The following PEDS1 variants were observed in gnomAD, a reference collection of about 807,000 sequenced individuals.
PEDS1 encodes CarF homolog.
Under a neutral mutation model 35.2 loss-of-function variants are expected in PEDS1, and 14 were observed. The observed-to-expected ratio is 0.40, with a 90% CI of 0.26 to 0.62. The LOEUF is 0.62. PEDS1 is among the 20% of genes least tolerant of loss of function. The pLI, the probability that PEDS1 is intolerant of heterozygous loss-of-function variation, is 0.44. For synonymous variants in PEDS1, 152 were observed against 152.0 expected (o/e 1.00, Z 0.00); for missense variants, 260 against 367.8 (o/e 0.71, Z 2.40).
At chr20:50,146,103 C>T (rs1176709672) in intron 1 of PEDS1, among the ~76,000 whole-genome samples, 5 of 152,282 alleles carry the variant, frequency 3.3e-5, no homozygotes, top group South Asian at 2.1e-4. Flanking sequence ...ACTTAAGCAG[C>T]GGGGCCAGGC....
At chr20:50,139,237 C>T (rs1013556338) in intron 2 of PEDS1, among the ~76,000 whole-genome samples, 5 of 152,150 alleles carry the variant, frequency 3.3e-5, no homozygotes, top group Non-Finnish European at 5.9e-5. Context: ...GGACTCTGCT[C>T]CTTTAAGGGC....
At chr20:50,153,138 G>A (rs1204596203) in intron 1 of PEDS1, among the ~76,000 whole-genome samples, 2 of 151,514 alleles carry the variant, frequency 1.3e-5, no homozygotes, top group Non-Finnish European at 2.9e-5. Context: ...CAGCTGAAGG[G>A]CAGCTTTGGG....
intron 2 of PEDS1, among the ~76,000 whole-genome samples, chr20:50,136,846 G>C (rs531008584): frequency 6.6e-6 from 1 of 152,044 alleles, no homozygotes; most frequent in Non-Finnish European, 1.5e-5. Flanking sequence ...GTACCAGCCT[G>C]GGCAACACAG....
At chr20:50,133,997 A>C (rs1380182176) in intron 2 of PEDS1, among the ~76,000 whole-genome samples, 1 of 152,200 alleles carries the variant, frequency 6.6e-6, no homozygotes, top group East Asian at 1.9e-4. Context: ...CTCCTACTGC[A>C]TACTTTGGGA....
chr20:50,139,668 CG>C (rs1445257856), intron 2 of PEDS1, among the ~76,000 whole-genome samples: 2 of 148,130 alleles, frequency 1.4e-5, no homozygotes, highest in African/African-American at 5.0e-5. Context: ...AGATGACCCC[CG>C]GATTTCTTTC....
chr20:50,140,042 G>A (rs1489710085), intron 2 of PEDS1, among the ~76,000 whole-genome samples: 1 of 152,066 alleles, frequency 6.6e-6, no homozygotes, highest in African/African-American at 2.4e-5. Context: ...TCTCCCTCAG[G>A]CCTGCTCTGC....
rs1226878508 is a variant in PEDS1 at position 50,122,923 on chromosome 20, C to A, written c.*2135G>T. 7.6e-6 allele frequency: 1 copy of A among 131,914 alleles called. No homozygotes were observed. Among genetic ancestry groups the A allele is most frequent in the African/African-American group, 3.2e-5 (1 of 31,282 alleles). The allele number at this position is 131,914 out of a possible 1,614,324, so 8.2% of individuals were successfully genotyped here. ...GACCAACCTGGACAACATAGTGAGACCCCATTTCTTTAAAAAAAAAAAAAA... is the reference window on the plus strand; with the variant it reads ...GACCAACCTGGACAACATAGTGAGAACCCATTTCTTTAAAAAAAAAAAAAA... On this transcript the variant is annotated 3_prime_UTR_variant, in exon 6 of 6. Transcript: ENST00000371652.
At chr20:50,148,331 C>T (rs188036124) in intron 1 of PEDS1, among the ~76,000 whole-genome samples, 191 of 152,260 alleles carry the variant, frequency 1.3e-3, no homozygotes, top group Non-Finnish European at 1.9e-3. Context: ...GTCAACTGGC[C>T]TAAACTGTAT....
Position 50,153,544 on chromosome 20 carries a change from G to A in PEDS1, c.94C>T (p.Arg32Cys). 1 of 1,430,930 alleles carries A rather than the reference G, an allele frequency of 7.0e-7. No individual in the cohort carries two copies. The highest frequency in any genetic ancestry group is 9.2e-7 in the Non-Finnish European group (1 of 1,085,450). The allele number at this position is 1,430,930 out of a possible 1,614,324, so 88.6% of individuals were successfully genotyped here. Residue 32 changes from arginine to cysteine, a missense_variant, in exon 1 of 6, where the codon CGC becomes TGC. Arg to Cys is a radical substitution (Grantham distance 180). This residue lies in a region of PEDS1 where 114 missense variants were observed against 121.6 expected (regional missense o/e 0.94). Coordinates refer to ENST00000371652, the MANE Select transcript of PEDS1 (RefSeq NM_199129.4). ...GGCGAGTAGAGCGCAGCCAGCTCGCGGGCCCCGGCGTGCTGCGCGCCCCAG... is the reference window on the plus strand; with the variant it reads ...GGCGAGTAGAGCGCAGCCAGCTCGCAGGCCCCGGCGTGCTGCGCGCCCCAG... ...CRWGAQHAGA[R>C]ELAALYSPGK...
intron 1 of PEDS1, among the ~76,000 whole-genome samples, chr20:50,147,183 G>A (rs1016677800): frequency 1.1e-4 from 16 of 152,186 alleles, no homozygotes; most frequent in African/African-American, 3.1e-4. Context: ...GGCCCATATC[G>A]GAGAGGTTGC....
intron 2 of PEDS1, among the ~76,000 whole-genome samples, chr20:50,135,387 G>A (rs777779799): frequency 1.3e-5 from 2 of 151,908 alleles, no homozygotes; most frequent in African/African-American, 2.4e-5. Flanking sequence ...GGCCGGGCAC[G>A]GTGGCTCACA....
Position 50,153,717 on chromosome 20 carries a change from G to C in PEDS1, c.-80C>G, listed in dbSNP as rs2081432263. Reference sequence around the variant, plus strand: ...CGCGGAACCGCGGCGAGATCACGCCGCCCAATGACCGCCCAGCGCCGGGCG... The same window carrying C: ...CGCGGAACCGCGGCGAGATCACGCCCCCCAATGACCGCCCAGCGCCGGGCG... On this transcript the variant is annotated 5_prime_UTR_variant, in exon 1 of 6. Transcript: ENST00000371652. The C allele has an allele frequency of 2.7e-6, 3 of 1,132,032 alleles. No individual in the cohort carries two copies. The highest frequency in any genetic ancestry group is 3.2e-6 in the Non-Finnish European group (3 of 925,116). 70.1% of individuals were successfully genotyped at this position (1,132,032 alleles called of 1,614,324 possible). A position where few individuals can be genotyped will look rare whatever the true frequency, so the allele number is the denominator to read the frequency against.
At chr20:50,151,252 T>G in intron 1 of PEDS1, 1 of 1,304,278 alleles carries the variant, frequency 7.7e-7, no homozygotes, top group Non-Finnish European at 1.0e-6. Flanking sequence ...ATTGCAGATT[T>G]GGGGCACCAG....
chr20:50,141,542 T>C (rs2147293621), intron 2 of PEDS1, among the ~76,000 whole-genome samples: 1 of 152,210 alleles, frequency 6.6e-6, no homozygotes, highest in African/African-American at 2.4e-5. Context: ...ATTTACACTG[T>C]GGTAAATGAG....
intron 1 of PEDS1, chr20:50,151,148 T>G (rs886488650): frequency 1.3e-5 from 12 of 913,298 alleles, no homozygotes; most frequent in Non-Finnish European, 1.9e-5. Context: ...AGTGAGCAGA[T>G]AGAAGCAGAG....
chr20:50,128,013 T>C lies in PEDS1; in HGVS notation c.653A>G (p.His218Arg), dbSNP rs2081129693. 6.2e-7 allele frequency: 1 copy of C among 1,613,898 alleles called. No individual in the cohort carries two copies. ...ILPRKHHRIHHVSPHETYFCI... is the reference protein window; with the variant it reads ...ILPRKHHRIHRVSPHETYFCI... ...GAAGTAGGTCTCGTGGGGTGAGACG[T>C]GGTGGATGCGATGGTGTTTACGTGG... The change falls in exon 5 of 6, where the codon CAC becomes CGC. Residue 218 changes from histidine (H) to arginine (R), a missense_variant. Physicochemically the swap from His to Arg is conservative, Grantham distance 29. Around this residue, in one of 4 missense-constraint regions of PEDS1, gnomAD observed 83 missense variants for 142.8 expected, o/e 0.58. Coordinates refer to ENST00000371652, the MANE Select transcript of PEDS1 (RefSeq NM_199129.4). The surrounding 1 kb of genome is among the most constrained non-coding windows in gnomAD (Gnocchi z 5.2).
chr20:50,134,048 A>G (rs1457569148), intron 2 of PEDS1, among the ~76,000 whole-genome samples: 2 of 152,228 alleles, frequency 1.3e-5, no homozygotes, highest in Non-Finnish European at 2.9e-5. Context: ...CAGGGACAAA[A>G]GGCCATGTGG....
intron 1 of PEDS1, among the ~76,000 whole-genome samples, chr20:50,149,413 C>A (rs551452386): frequency 6.6e-6 from 1 of 152,254 alleles, no homozygotes; most frequent in Non-Finnish European, 1.5e-5. Flanking sequence ...ACACACATGG[C>A]CAGATTTCAG....
chr20:50,147,859 C>G (rs2081361729), intron 1 of PEDS1, among the ~76,000 whole-genome samples: 1 of 151,252 alleles, frequency 6.6e-6, no homozygotes. Flanking sequence ...TCGAGATCAG[C>G]CTGGCTAACA....
Sources: gnomAD v4.1 joint callset for allele counts (sites outside exome capture counted in the v4.1 genomes callset) on GRCh38, gnomAD v4.1.1 for gene constraint, gnomAD v4.1.1 regional missense constraint, Gnocchi (gnomAD v3.1) non-coding constraint, MANE v1.5 for transcripts, NCBI Gene and HGNC (gene_info 2026-07-23, HGNC 2026-07-21) for gene names.